The following SLC24A2 variants were observed in gnomAD, a reference collection of about 807,000 sequenced individuals.
SLC24A2 encodes solute carrier family 24 member 2, also known as sodium/potassium/calcium exchanger 2.
In SLC24A2, 36 loss-of-function variants were observed where a neutral mutation model predicts 62.0. The ratio of observed to expected loss-of-function variants is 0.58; its 90% confidence interval spans 0.44 to 0.77. The LOEUF (loss-of-function observed/expected upper bound fraction) is 0.77. Ranked by LOEUF, SLC24A2 falls within the 30% of genes least tolerant of loss-of-function variation. The pLI is 0.00. For synonymous variants in SLC24A2, 358 were observed against 294.0 expected (o/e 1.22, Z -2.23); for missense variants, 846 against 817.9 (o/e 1.03, Z -0.42).
chr9:19,922,274 G>T, the SLC24A2 span, among the ~76,000 whole-genome samples: 1 of 152,138 alleles, frequency 6.6e-6, no homozygotes, highest in African/African-American at 2.4e-5. Context: ...TTGTCACTAA[G>T]TATTTGAGTC....
At chr9:20,152,812 G>A in the SLC24A2 span, among the ~76,000 whole-genome samples, 37 of 151,968 alleles carry the variant, frequency 2.4e-4, no homozygotes, top group East Asian at 1.2e-3. Context: ...AAGCTGGATT[G>A]GGTGTAAAAT....
the SLC24A2 span, among the ~76,000 whole-genome samples, chr9:20,215,601 T>C: frequency 1.3e-5 from 2 of 152,360 alleles, no homozygotes; most frequent in South Asian, 2.1e-4. Context: ...GGACTTCTTA[T>C]ATACACTTAC....
the SLC24A2 span, among the ~76,000 whole-genome samples, chr9:20,113,350 A>G: frequency 6.6e-6 from 1 of 152,188 alleles, no homozygotes; most frequent in African/African-American, 2.4e-5. Context: ...CAATGGAAAC[A>G]GAATTATTAC....
At chr9:19,731,516 C>CTCTCGTGT (rs72153360) in intron 2 of SLC24A2, among the ~76,000 whole-genome samples, 2 of 113,710 alleles carry the variant, frequency 1.8e-5, no homozygotes, top group African/African-American at 5.2e-5. Context: ...TCTCTCTCTC[C>CTCTCGTGT]GTGTGTGTGT....
At chr9:20,112,010 A>G in the SLC24A2 span, among the ~76,000 whole-genome samples, 1 of 152,320 alleles carries the variant, frequency 6.6e-6, no homozygotes, top group African/African-American at 2.4e-5. Flanking sequence ...TTTGAATAAT[A>G]ACTAGGTCCA....
chr9:20,298,815 A>T, the SLC24A2 span, among the ~76,000 whole-genome samples: 2 of 152,234 alleles, frequency 1.3e-5, no homozygotes, highest in African/African-American at 2.4e-5. Flanking sequence ...GGAGAGAGGT[A>T]AAAAGGTAGT....
intron 2 of SLC24A2, among the ~76,000 whole-genome samples, chr9:19,733,371 T>C (rs145227025): frequency 2.6e-5 from 4 of 152,300 alleles, no homozygotes; most frequent in African/African-American, 9.6e-5. Context: ...ACCAGCAAGA[T>C]GATCTTCTTT....
intron 8 of SLC24A2, among the ~76,000 whole-genome samples, chr9:19,535,310 C>G (rs1025181119): frequency 2.0e-5 from 3 of 152,026 alleles, no homozygotes; most frequent in East Asian, 1.9e-4. Context: ...GTTGCCTATT[C>G]ACTCTAATGG....
chr9:20,261,733 CTTTTTTTTT>C, the SLC24A2 span, among the ~76,000 whole-genome samples: 5 of 75,292 alleles, frequency 6.6e-5, no homozygotes, highest in Admixed American at 6.3e-4. Flanking sequence ...AACACCAAAT[CTTTTTTTTT>C]TTTTTTTTTT....
At chr9:20,081,063 A>G in the SLC24A2 span, among the ~76,000 whole-genome samples, 2 of 152,224 alleles carry the variant, frequency 1.3e-5, no homozygotes, top group Non-Finnish European at 2.9e-5. Context: ...TGTGGAAGTC[A>G]GTGTGGCGAT....
At chr9:19,543,539 G>A (rs1314418375) in intron 8 of SLC24A2, among the ~76,000 whole-genome samples, 3 of 152,084 alleles carry the variant, frequency 2.0e-5, no homozygotes, top group African/African-American at 7.2e-5. Context: ...GTCGATTTTA[G>A]ATCTTTTCTG....
the SLC24A2 span, among the ~76,000 whole-genome samples, chr9:19,796,394 T>C: frequency 6.6e-6 from 1 of 152,238 alleles, no homozygotes; most frequent in African/African-American, 2.4e-5. Flanking sequence ...GTTTCTTCCT[T>C]GACAGCCCAT....
At chr9:19,638,175 A>G (rs1381777951) in intron 2 of SLC24A2, among the ~76,000 whole-genome samples, 2 of 152,200 alleles carry the variant, frequency 1.3e-5, no homozygotes, top group Non-Finnish European at 2.9e-5. Flanking sequence ...TCTGGCTCTC[A>G]TCCCTGCAGG....
intron 8 of SLC24A2, among the ~76,000 whole-genome samples, chr9:19,549,315 C>G (rs960609259): frequency 6.6e-6 from 1 of 152,204 alleles, no homozygotes; most frequent in Admixed American, 6.5e-5. Context: ...CTTTGACACT[C>G]TTCCCAACAG....
the SLC24A2 span, among the ~76,000 whole-genome samples, chr9:20,087,315 A>G: frequency 1.3e-5 from 2 of 152,238 alleles, no homozygotes; most frequent in South Asian, 2.1e-4. Flanking sequence ...TACAGCTAAA[A>G]CAAGAATGGA....
Position 19,786,497 on chromosome 9 carries a change from T to C in SLC24A2, c.370A>G (p.Ile124Val). 1 of 1,614,204 alleles carries C rather than the reference T, an allele frequency of 6.2e-7. No individual in the cohort carries two copies. Among genetic ancestry groups the C allele is most frequent in the South Asian group, 1.1e-5 (1 of 91,078 alleles). ...DHAQGDYPKDIFSLEERRKGA... is the reference protein window; with the variant it reads ...DHAQGDYPKDVFSLEERRKGA... ...TTTCTTCTCTCCTCAAGGGAAAAGATGTCTTTCGGGTAGTCTCCTTGGGCG... is the reference window on the plus strand; with the variant it reads ...TTTCTTCTCTCCTCAAGGGAAAAGACGTCTTTCGGGTAGTCTCCTTGGGCG... Residue 124 changes from isoleucine to valine, a missense_variant, in exon 2 of 11, where the codon ATC (isoleucine) becomes GTC (valine). By Grantham distance (29) the Ile-to-Val change is conservative (BLOSUM62 3). Transcript: ENST00000341998. The surrounding 1 kb of genome is among the most constrained non-coding windows in gnomAD (Gnocchi z 5.0).
rs556812401 is a variant in SLC24A2 at position 19,519,997 on chromosome 9, A to G, written c.1736+897T>C. Among the ~76,000 whole-genome samples the G allele has an allele frequency of 1.5e-4, 23 of 152,346 alleles. 1 individual carries two copies. Among genetic ancestry groups the G allele is most frequent in the African/African-American group, 2.2e-4 (9 of 41,588 alleles). ...ATCTGAATAATAGGGGTGATAATAC[A>G]TACTTCATAGGATTATTGTGTGGCT... On this transcript the variant is annotated intron_variant, in intron 10 of 10. Coordinates refer to ENST00000341998, the MANE Select transcript of SLC24A2 (RefSeq NM_020344.4).
At chr9:19,575,265 G>C (rs922127357) in intron 6 of SLC24A2, among the ~76,000 whole-genome samples, 2 of 152,146 alleles carry the variant, frequency 1.3e-5, no homozygotes, top group African/African-American at 4.8e-5. Flanking sequence ...GCTTGATTCA[G>C]TTATTTAAAT....
the SLC24A2 span, among the ~76,000 whole-genome samples, chr9:19,816,690 G>A: frequency 6.6e-6 from 1 of 152,076 alleles, no homozygotes; most frequent in East Asian, 1.9e-4. Context: ...ATGAAGGGGA[G>A]CAGGCATATC....
Sources: allele counts gnomAD v4.1 joint callset (sites outside exome capture counted in the v4.1 genomes callset), GRCh38; gene constraint gnomAD v4.1.1; non-coding constraint Gnocchi (gnomAD v3.1); transcripts MANE v1.5; gene names NCBI Gene and HGNC (gene_info 2026-07-23, HGNC 2026-07-21).